Variants in FAF1 observed in about 807,000 individuals in gnomAD.
FAF1 encodes the protein FAS-associated factor 1.
In FAF1, 25 loss-of-function variants were observed where a neutral mutation model predicts 92.5. The ratio of observed to expected loss-of-function variants is 0.27; its 90% CI spans 0.20 to 0.38. The LOEUF is 0.38. Ranked by LOEUF, FAF1 falls within the 10% of genes least tolerant of loss-of-function variation. The probability of loss-of-function intolerance (pLI) is 1.00; values close to 1 mark genes in which losing one functional copy is unlikely to be tolerated. For missense variants in FAF1, 636 were observed against 793.3 expected (o/e 0.80, Z 2.38); for synonymous variants, 234 against 273.2 (o/e 0.86, Z 1.42).
At chr1:50,925,781 A>G (rs572510946) in intron 1 of FAF1, among the ~76,000 whole-genome samples, 2 of 152,354 alleles carry the variant, frequency 1.3e-5, no homozygotes, top group Non-Finnish European at 1.5e-5. Context: ...CATCAAAAGG[A>G]TACCTATACA....
intron 1 of FAF1, among the ~76,000 whole-genome samples, chr1:50,953,413 A>G (rs1198874855): frequency 6.6e-6 from 1 of 151,318 alleles, no homozygotes; most frequent in Non-Finnish European, 1.5e-5. Context: ...ATAAATAAAT[A>G]AATAAATAAA....
chr1:50,557,629 A>C (rs1003137819), intron 13 of FAF1, among the ~76,000 whole-genome samples: 3 of 152,192 alleles, frequency 2.0e-5, no homozygotes, highest in Non-Finnish European at 4.4e-5. Flanking sequence ...TGTCAGAGGA[A>C]CCAAATTACT....
At position 50,959,880 on chromosome 1, in the gene FAF1, ACCGTCGCCG is replaced by A. The variant is rs1645301644; in HGVS notation, c.-78_-70del. 1.7e-6 allele frequency: 2 copies of A among 1,155,542 alleles called. No individual in the cohort carries two copies. The highest frequency in any genetic ancestry group is 2.2e-6 in the Non-Finnish European group (2 of 891,022). 71.6% of individuals were successfully genotyped at this position (1,155,542 alleles called of 1,614,324 possible). On this transcript the variant is annotated 5_prime_UTR_variant, in exon 1 of 19. Coordinates refer to ENST00000396153, the MANE Select transcript of FAF1 (RefSeq NM_007051.3). ...TGGGAGGCAGACGGCACCTCCTGCG[ACCGTCGCCG>A]CCACCGCCGCCGCCGCCGCCGGGCG...
chr1:50,864,332 T>A (rs1428329976), intron 1 of FAF1, among the ~76,000 whole-genome samples: 3 of 151,034 alleles, frequency 2.0e-5, no homozygotes, highest in Non-Finnish European at 4.4e-5. Context: ...CTTTCTCTTG[T>A]GGGCATTTAG....
At chr1:50,457,939 C>T (rs1475765203) in intron 18 of FAF1, among the ~76,000 whole-genome samples, 1 of 148,998 alleles carries the variant, frequency 6.7e-6, no homozygotes, top group Non-Finnish European at 1.5e-5. Flanking sequence ...ATCGACCGGG[C>T]GCGGTGGCTC....
chr1:50,713,901 G>A (rs535858049), intron 6 of FAF1, among the ~76,000 whole-genome samples: 271 of 149,124 alleles, frequency 1.8e-3, no homozygotes, highest in Non-Finnish European at 3.1e-3. Context: ...AGCCTCCCAC[G>A]TAGCTGGGTT....
intron 15 of FAF1, among the ~76,000 whole-genome samples, chr1:50,530,812 A>T (rs1648128068): frequency 6.6e-6 from 1 of 152,148 alleles, no homozygotes; most frequent in Non-Finnish European, 1.5e-5. Context: ...GAACAACAAC[A>T]ACAAAAAACA....
intron 1 of FAF1, among the ~76,000 whole-genome samples, chr1:50,945,587 A>G (rs1557599544): frequency 6.6e-6 from 1 of 152,342 alleles, no homozygotes; most frequent in South Asian, 2.1e-4. Context: ...ACACTCAATC[A>G]GAAGCTTGAT....
chr1:50,949,358 C>G (rs142075777), intron 1 of FAF1, among the ~76,000 whole-genome samples: 1 of 152,234 alleles, frequency 6.6e-6, no homozygotes, highest in East Asian at 1.9e-4. Context: ...AAATTCTTTA[C>G]TATCGGGCGA....
At chr1:50,814,841 T>C (rs1369932123) in intron 2 of FAF1, among the ~76,000 whole-genome samples, 1 of 152,146 alleles carries the variant, frequency 6.6e-6, no homozygotes, top group East Asian at 1.9e-4. Flanking sequence ...TTAGGATGGC[T>C]ACTATCACAC....
intron 8 of FAF1, among the ~76,000 whole-genome samples, chr1:50,609,146 C>T (rs1437466847): frequency 6.6e-6 from 1 of 152,150 alleles, no homozygotes; most frequent in African/African-American, 2.4e-5. Flanking sequence ...CAATGGTGAA[C>T]AGTTTCTGCT....
At chr1:50,924,007 A>G (rs1644985431) in intron 1 of FAF1, among the ~76,000 whole-genome samples, 1 of 152,234 alleles carries the variant, frequency 6.6e-6, no homozygotes, top group African/African-American at 2.4e-5. Context: ...TATCTGGAAC[A>G]TGACGAACAT....
intron 6 of FAF1, among the ~76,000 whole-genome samples, chr1:50,725,726 G>T (rs1377695327): frequency 6.6e-6 from 1 of 152,130 alleles, no homozygotes; most frequent in Non-Finnish European, 1.5e-5. Flanking sequence ...AAAGTGCTGG[G>T]ATTATAGGCG....
At chr1:50,918,255 A>C (rs536212008) in intron 1 of FAF1, among the ~76,000 whole-genome samples, 469 of 131,622 alleles carry the variant, frequency 3.6e-3, no homozygotes, top group Middle Eastern at 0.012. Flanking sequence ...GGTTAGTTAC[A>C]TATGTATACA....
At chr1:50,494,583 G>T (rs1488187471) in intron 15 of FAF1, among the ~76,000 whole-genome samples, 1 of 152,198 alleles carries the variant, frequency 6.6e-6, no homozygotes, top group Non-Finnish European at 1.5e-5. Context: ...AAGCTGGATT[G>T]CTCAGAAGTA....
At chr1:50,896,229 G>A (rs1236240498) in intron 1 of FAF1, among the ~76,000 whole-genome samples, 1 of 152,102 alleles carries the variant, frequency 6.6e-6, no homozygotes, top group Non-Finnish European at 1.5e-5. Context: ...AGGCTGCGGT[G>A]AGCCATGATT....
At chr1:50,475,257 A>T (rs1171503668) in intron 18 of FAF1, among the ~76,000 whole-genome samples, 1 of 152,198 alleles carries the variant, frequency 6.6e-6, no homozygotes, top group African/African-American at 2.4e-5. Flanking sequence ...AATTTCTTAC[A>T]TAGGCTACTG....
At chr1:50,700,250 T>C (rs1463931292) in intron 7 of FAF1, among the ~76,000 whole-genome samples, 1 of 152,074 alleles carries the variant, frequency 6.6e-6, no homozygotes, top group Non-Finnish European at 1.5e-5. Flanking sequence ...GGGCTGTGTG[T>C]AATGGGTCCA....
intron 4 of FAF1, among the ~76,000 whole-genome samples, chr1:50,782,496 T>C (rs547267283): frequency 6.6e-6 from 1 of 152,266 alleles, no homozygotes; most frequent in African/African-American, 2.4e-5. Context: ...TGTACAACTG[T>C]ACAATGTGTG....
Sources: allele counts gnomAD v4.1 joint callset (sites outside exome capture counted in the v4.1 genomes callset), GRCh38; gene constraint gnomAD v4.1.1; transcripts MANE v1.5; gene names NCBI Gene and HGNC (gene_info 2026-07-23, HGNC 2026-07-21).